Variants in SCRN1 observed in about 807,000 individuals in gnomAD.
The protein encoded by SCRN1 is secernin-1.
In SCRN1, 19 loss-of-function variants were observed where a neutral mutation model predicts 43.3. That is an observed-to-expected ratio of 0.44 (90% CI 0.31 to 0.64). SCRN1 has a LOEUF of 0.64. Among genes scored for constraint, SCRN1 ranks in the 30% least tolerant of loss-of-function variants. SCRN1 has a pLI of 0.09. For missense variants in SCRN1, 447 were observed against 524.1 expected (o/e 0.85, Z 1.44); for synonymous variants, 183 against 188.9 (o/e 0.97, Z 0.26).
At position 29,922,215 on chromosome 7, in the gene SCRN1, C is replaced by T. The variant is rs1215909169; in HGVS notation, c.*1742G>A. 2.0e-5 allele frequency: 3 copies of T among 152,228 alleles called. No homozygotes were observed. The highest frequency in any genetic ancestry group is 7.2e-5 in the African/African-American group (3 of 41,446). 9.4% of individuals were successfully genotyped at this position (152,228 alleles called of 1,614,324 possible). ...CTGTCAGCTGAAATCGTCTTCCCATCACCCACAATGTGTGGTTAATGATTT... is the reference window on the plus strand; with the variant it reads ...CTGTCAGCTGAAATCGTCTTCCCATTACCCACAATGTGTGGTTAATGATTT... On this transcript the variant is annotated 3_prime_UTR_variant, in exon 8 of 8. Transcript: ENST00000242059.
In SCRN1 at chr7:29,922,108, A is replaced by C. The variant is rs1786787609; in HGVS notation, c.*1849T>G. On this transcript the variant is annotated 3_prime_UTR_variant, in exon 8 of 8. Coordinates refer to ENST00000242059, the MANE Select transcript of SCRN1 (RefSeq NM_014766.5). ...CGCCCCACCTAAAAGGACACTCTAA[A>C]TTCACCAACAGTGAAAGCCCAGGCC... is the stretch of plus-strand genomic sequence containing the variant. 1 of 152,198 alleles carries C rather than the reference A, an allele frequency of 6.6e-6. No individual in the cohort carries two copies. The highest frequency in any genetic ancestry group is 6.5e-5 in the Admixed American group (1 of 15,286). The allele number at this position is 152,198 out of a possible 1,614,324, so 9.4% of individuals were successfully genotyped here. A position where few individuals can be genotyped will look rare whatever the true frequency, so the allele number is the denominator to read the frequency against.
chr7:29,946,917 C>T (rs1347823269), intron 3 of SCRN1, among the ~76,000 whole-genome samples: 4 of 152,224 alleles, frequency 2.6e-5, no homozygotes, highest in Non-Finnish European at 2.9e-5. Flanking sequence ...GCCAGAGAGA[C>T]CTGGGGCCAC....
chr7:29,976,204 C>T (rs1252228476), intron 1 of SCRN1, among the ~76,000 whole-genome samples: 1 of 152,202 alleles, frequency 6.6e-6, no homozygotes, highest in Non-Finnish European at 1.5e-5. Flanking sequence ...GAAATAGTCT[C>T]TATCTGCACC....
At chr7:29,974,685 C>CTTTTT (rs1183202361) in intron 1 of SCRN1, among the ~76,000 whole-genome samples, 2,461 of 134,064 alleles carry the variant, frequency 0.018, 31 homozygotes, top group Middle Eastern at 0.037. Context: ...TTCTTTCTTT[C>CTTTTT]TTTTTTTTTT....
At chr7:29,977,468 G>C (rs1484647410) in intron 1 of SCRN1, among the ~76,000 whole-genome samples, 1 of 152,186 alleles carries the variant, frequency 6.6e-6, no homozygotes, top group African/African-American at 2.4e-5. Flanking sequence ...AATAAATGAA[G>C]TGTTTGGGAA....
At chr7:29,963,119 G>A (rs1446382397) in intron 2 of SCRN1, among the ~76,000 whole-genome samples, 4 of 151,910 alleles carry the variant, frequency 2.6e-5, no homozygotes, top group Admixed American at 6.6e-5. Context: ...ATCAGCTCAC[G>A]TGTGTCTCAC....
intron 3 of SCRN1, among the ~76,000 whole-genome samples, chr7:29,951,431 G>C (rs1010801861): frequency 1.3e-5 from 2 of 152,150 alleles, no homozygotes; most frequent in African/African-American, 4.8e-5. Context: ...CCAGCAGCCC[G>C]ACCAAAACTC....
chr7:29,945,957 A>G (rs1787723534), intron 3 of SCRN1, among the ~76,000 whole-genome samples: 1 of 152,260 alleles, frequency 6.6e-6, no homozygotes. Context: ...AGTAAAAACT[A>G]TTCAAATTTA....
intron 3 of SCRN1, among the ~76,000 whole-genome samples, chr7:29,952,691 A>AG (rs1787987478): frequency 9.5e-6 from 1 of 105,542 alleles, no homozygotes; most frequent in Non-Finnish European, 2.1e-5. Flanking sequence ...TCTAAAAAAA[A>AG]AAAAGAGAGA....
At chr7:29,948,426 C>T (rs1334018100) in intron 3 of SCRN1, among the ~76,000 whole-genome samples, 1 of 152,232 alleles carries the variant, frequency 6.6e-6, no homozygotes, top group African/African-American at 2.4e-5. Flanking sequence ...GTTCCTCCCG[C>T]CTACAAATGG....
chr7:29,964,025 G>A (rs947862388), intron 2 of SCRN1, among the ~76,000 whole-genome samples: 1 of 152,178 alleles, frequency 6.6e-6, no homozygotes, highest in African/African-American at 2.4e-5. Context: ...TGAAGGATAT[G>A]CATGAAATTA....
intron 3 of SCRN1, chr7:29,947,199 T>C: frequency 6.4e-7 from 1 of 1,550,446 alleles, no homozygotes; most frequent in Non-Finnish European, 8.7e-7. Flanking sequence ...GCTCTGGGCC[T>C]GGGAATTAGA....
rs955282037 is a variant in SCRN1, at chr7:29,965,559, C to T, written c.159+3350G>A. Among the ~76,000 whole-genome samples the T allele has an allele frequency of 3.3e-5, 5 of 152,062 alleles. No individual in the cohort carries two copies. Among genetic ancestry groups the T allele is most frequent in the Admixed American group, 2.6e-4 (4 of 15,272 alleles). On this transcript the variant is annotated intron_variant, in intron 2 of 7. Transcript: ENST00000242059. The surrounding 1 kb of genome is among the most constrained non-coding windows in gnomAD (Gnocchi z 4.2). The stretch of plus-strand genomic sequence containing the variant: ...GCCGACAATGCATATGTTGTTACAG[C>T]AACATATATGAGCTGGGGGAAATGA...
In SCRN1 at chr7:29,940,838, T is replaced by C. The variant is rs1382417028; in HGVS notation, c.583A>G (p.Thr195Ala). ...RCICSQLSLT[T>A]KMDAEHPELR... ...TCCGGATGCTCTGCATCCATCTTAG[T>C]GGTGAGCGAAAGCTGACTGCAAATG... Residue 195 changes from threonine (T) to alanine (A), a missense_variant, in exon 5 of 8, where the codon ACT becomes GCT. By Grantham distance (58) the Thr-to-Ala change is moderately conservative (BLOSUM62 0). Transcript: ENST00000242059. 4 of 1,575,190 alleles carry C rather than the reference T, an allele frequency of 2.5e-6. No homozygotes were observed. The highest frequency in any genetic ancestry group is 3.4e-4 in the Middle Eastern group (2 of 5,950).
intron 4 of SCRN1, among the ~76,000 whole-genome samples, chr7:29,942,624 T>A (rs115146270): frequency 0.012 from 1,771 of 152,284 alleles, 38 homozygotes; most frequent in African/African-American, 0.04. Context: ...GTTGGAGACC[T>A]GGTGGGCTGC....
intron 1 of SCRN1, 123 bp from the exon 2 acceptor site, chr7:29,969,191 A>C: frequency 4.3e-6 from 5 of 1,170,150 alleles, no homozygotes; most frequent in Non-Finnish European, 6.0e-6. Flanking sequence ...CAGCTAGCTC[A>C]TTAAGAGATC....
chr7:29,980,876 T>C (rs1426449644), intron 1 of SCRN1, among the ~76,000 whole-genome samples: 5 of 152,172 alleles, frequency 3.3e-5, no homozygotes, highest in Non-Finnish European at 5.9e-5. Flanking sequence ...TTTATGTAAA[T>C]ATAAGTATAG....
Position 29,936,662 on chromosome 7 carries a change from T to C in SCRN1, c.799A>G (p.Ile267Val). Residue 267 changes from isoleucine to valine, a missense_variant, in exon 6 of 8, where the codon ATA becomes GTA. Coordinates refer to ENST00000242059, the MANE Select transcript of SCRN1 (RefSeq NM_014766.5). ...GTGGTGAGGAAAAACTCAGAGTCTA[T>C]GCACACTCCGCTGGCTTTGTCCCGT... ...TLRDKASGVC[I>V]DSEFFLTTAS... is the part of the protein sequence containing the mutation. 3.1e-6 allele frequency: 5 copies of C among 1,601,886 alleles called. No homozygotes were observed. The highest frequency in any genetic ancestry group is 2.2e-5 in the South Asian group (2 of 90,060).
intron 3 of SCRN1, among the ~76,000 whole-genome samples, chr7:29,951,525 G>A (rs1017937213): frequency 6.6e-6 from 1 of 152,220 alleles, no homozygotes; most frequent in Non-Finnish European, 1.5e-5. Flanking sequence ...TTACAGGCAT[G>A]AGCCACTGCA....
Sources: gnomAD v4.1 joint callset for allele counts (sites outside exome capture counted in the v4.1 genomes callset) on GRCh38, gnomAD v4.1.1 for gene constraint, Gnocchi (gnomAD v3.1) non-coding constraint, MANE v1.5 for transcripts, NCBI Gene and HGNC (gene_info 2026-07-23, HGNC 2026-07-21) for gene names.